Variants in PREX2 observed in about 807,000 individuals in gnomAD.
The protein encoded by PREX2 is phosphatidylinositol 3,4,5-trisphosphate-dependent Rac exchanger 2 protein.
Under a neutral mutation model 203.2 loss-of-function variants are expected in PREX2, and 107 were observed. The ratio of observed to expected loss-of-function variants is 0.53; its 90% CI spans 0.45 to 0.62. PREX2 has a LOEUF of 0.62. Among genes scored for constraint, PREX2 ranks in the 20% least tolerant of loss-of-function variants. The pLI is 0.00. For synonymous variants in PREX2, 672 were observed against 663.6 expected (o/e 1.01, Z -0.19); for missense variants, 1,777 against 1,955.9 (o/e 0.91, Z 1.72).
rs114445416 is a variant in PREX2 at position 68,077,531 on chromosome 8, T to C, written c.1642+62T>C. 867 of 1,189,606 alleles carry C rather than the reference T, an allele frequency of 7.3e-4. 10 individuals are homozygous for C. In the African/African-American group the frequency reaches 0.012, roughly 17 times the overall value. 73.7% of individuals were successfully genotyped at this position (1,189,606 alleles called of 1,614,324 possible). ...TTCATCACGTTGGTTCTTAGGATAC[T>C]GCAACACCCAGTGCTGCAGTGAGGT... On this transcript the variant is annotated intron_variant, in intron 15 of 39. Coordinates refer to ENST00000288368, the MANE Select transcript of PREX2 (RefSeq NM_024870.4).
intron 25 of PREX2, among the ~76,000 whole-genome samples, chr8:68,112,061 T>A (rs952627586): frequency 1.3e-5 from 2 of 152,192 alleles, no homozygotes; most frequent in African/African-American, 2.4e-5. Flanking sequence ...ATACCTCTCT[T>A]AGAAATGAAA....
At position 68,080,524 on chromosome 8, in the gene PREX2, A is replaced by G. The variant is rs1208801965; in HGVS notation, c.1724A>G (p.Lys575Arg). 1 of 1,611,968 alleles carries G rather than the reference A, an allele frequency of 6.2e-7. No homozygotes were observed. Among genetic ancestry groups the G allele is most frequent in the South Asian group, 1.1e-5 (1 of 90,896 alleles). ...GAGGAAATGGAGGGATCAAATATGA[A>G]ACATCGACTTATGAAACATGACTTA... is the stretch of plus-strand genomic sequence containing the variant. The part of the protein sequence containing the change: ...SDEEMEGSNM[K>R]HRLMKHDLKV... The change falls in exon 16 of 40, where the codon AAA becomes AGA. Residue 575 changes from lysine to arginine, a missense_variant. Physicochemically the swap from Lys to Arg is conservative, Grantham distance 26. Transcript: ENST00000288368.
intron 17 of PREX2, among the ~76,000 whole-genome samples, 177 bp downstream of exon 17, chr8:68,081,015 C>T (rs2129611908): frequency 6.6e-6 from 1 of 152,230 alleles, no homozygotes; most frequent in East Asian, 1.9e-4. Context: ...GGATTAGCAG[C>T]AGCTGAGTCC....
intron 23 of PREX2, among the ~76,000 whole-genome samples, chr8:68,107,065 G>A (rs1033694778): frequency 6.6e-6 from 1 of 152,102 alleles, no homozygotes; most frequent in Non-Finnish European, 1.5e-5. Flanking sequence ...TGCCGGGGGA[G>A]CTAGAAATAA....
chr8:67,962,991 A>C (rs1043595336), intron 1 of PREX2, among the ~76,000 whole-genome samples: 2 of 152,306 alleles, frequency 1.3e-5, no homozygotes, highest in Non-Finnish European at 2.9e-5. Flanking sequence ...GTACCACTTC[A>C]TAATGAAACC....
intron 2 of PREX2, 94 bp from the exon 3 acceptor site, chr8:68,019,455 A>G (rs2129610212): frequency 1.0e-6 from 1 of 998,814 alleles, no homozygotes. Flanking sequence ...GCATGGATGT[A>G]TGGTTTTCAG....
chr8:68,080,752 T>A lies in PREX2; in HGVS notation c.1792T>A (p.Ser598Thr). 1 of 1,554,874 alleles carries A rather than the reference T, an allele frequency of 6.4e-7. No homozygotes were observed. The highest frequency in any genetic ancestry group is 8.8e-7 in the Non-Finnish European group (1 of 1,142,142). Residue 598 changes from serine (S) to threonine (T), a missense_variant, in exon 17 of 40, where the codon TCC becomes ACC. Ser to Thr is a moderately conservative substitution (Grantham distance 58). Coordinates refer to ENST00000288368, the MANE Select transcript of PREX2 (RefSeq NM_024870.4). ...NVIAKSLLIK[S>T]NEGSYGFGLE... is the part of the protein sequence containing the mutation. ...TTAATATTTTGCATTTCAGATTAAA[T>A]CCAATGAAGGCAGCTATGGCTTTGG...
At chr8:68,114,807 A>G (rs1453606051) in intron 25 of PREX2, among the ~76,000 whole-genome samples, 1 of 152,170 alleles carries the variant, frequency 6.6e-6, no homozygotes, top group African/African-American at 2.4e-5. Context: ...TTGTACGAGC[A>G]GGGAGACGGA....
At chr8:68,199,069 T>C (rs975962583) in intron 37 of PREX2, among the ~76,000 whole-genome samples, 3 of 152,186 alleles carry the variant, frequency 2.0e-5, no homozygotes, top group Admixed American at 6.5e-5. Flanking sequence ...TTAACTAGCA[T>C]ACCCTGTGGT....
Position 68,043,710 on chromosome 8 carries a change from T to C in PREX2, c.840-777T>C, listed in dbSNP as rs138222050. ...ATTTCTTAGAATTTTTCCTGTTTAA[T>C]TTAATGAAAGAAAAACATTGAAAAA... On this transcript the variant is annotated intron_variant, in intron 7 of 39. Coordinates refer to ENST00000288368, the MANE Select transcript of PREX2 (RefSeq NM_024870.4). 3.3e-5 allele frequency among the ~76,000 whole-genome samples: 5 copies of C among 152,242 alleles called. No individual in the cohort carries two copies. The East Asian group carries it at 9.7e-4, about 29-fold the overall frequency.
chr8:68,188,164 A>T (rs943869301), intron 35 of PREX2, among the ~76,000 whole-genome samples: 3 of 152,208 alleles, frequency 2.0e-5, no homozygotes. Context: ...ATCACTCACT[A>T]GTTTGGGGAC....
intron 21 of PREX2, among the ~76,000 whole-genome samples, chr8:68,095,263 C>A (rs918883474): frequency 6.6e-6 from 1 of 152,098 alleles, no homozygotes; most frequent in African/African-American, 2.4e-5. Context: ...CCTCTCTCCC[C>A]TCCCCAGAGG....
At chr8:68,077,256 A>G in intron 14 of PREX2, 141 bp from the exon 15 acceptor site, 1 of 654,310 alleles carries the variant, frequency 1.5e-6, no homozygotes, top group South Asian at 1.7e-5. Context: ...TAACAATTAG[A>G]TGCATTCTGT....
At chr8:67,982,658 T>A (rs1172684482) in intron 1 of PREX2, among the ~76,000 whole-genome samples, 2 of 152,232 alleles carry the variant, frequency 1.3e-5, no homozygotes, top group East Asian at 3.8e-4. Flanking sequence ...CTTGCATAGA[T>A]GTATTTTTAT....
chr8:68,092,946 G>A (rs1585782234), intron 20 of PREX2, among the ~76,000 whole-genome samples: 2 of 152,044 alleles, frequency 1.3e-5, no homozygotes, highest in Non-Finnish European at 2.9e-5. Context: ...GAGTCACCAT[G>A]CCCAGCCACA....
intron 17 of PREX2, 57 bp downstream of exon 17, chr8:68,080,895 A>G: frequency 1.0e-6 from 1 of 970,798 alleles, no homozygotes; most frequent in Non-Finnish European, 1.6e-6. Flanking sequence ...AAATAGAGAA[A>G]TTCTAAACAA....
chr8:68,089,311 A>G (rs1273135100), intron 19 of PREX2, among the ~76,000 whole-genome samples: 2 of 152,054 alleles, frequency 1.3e-5, no homozygotes, highest in African/African-American at 4.8e-5. Context: ...TGTGTCCTTG[A>G]TCAGTTTTTT....
At chr8:68,054,248 A>G (rs139318854) in intron 9 of PREX2, among the ~76,000 whole-genome samples, 1 of 152,334 alleles carries the variant, frequency 6.6e-6, no homozygotes, top group African/African-American at 2.4e-5. Context: ...AAGTTTATGA[A>G]TATATGACTG....
At chr8:68,206,086 A>G (rs533271735) in intron 37 of PREX2, among the ~76,000 whole-genome samples, 1 of 152,256 alleles carries the variant, frequency 6.6e-6, no homozygotes, top group Admixed American at 6.5e-5. Flanking sequence ...ATATTAATCT[A>G]CGTGATTCGA....
Sources: allele counts gnomAD v4.1 joint callset (sites outside exome capture counted in the v4.1 genomes callset), GRCh38; gene constraint gnomAD v4.1.1; transcripts MANE v1.5; gene names NCBI Gene and HGNC (gene_info 2026-07-23, HGNC 2026-07-21).